HOMER2: variants seen among roughly 807,000 people sequenced by gnomAD.
HOMER2 encodes homer scaffold protein 2, also known as homer protein homolog 2.
Under a neutral mutation model 47.0 loss-of-function variants are expected in HOMER2, and 27 were observed. The observed-to-expected ratio is 0.57, with a 90% CI of 0.42 to 0.79. The LOEUF (loss-of-function observed/expected upper bound fraction) is 0.79. HOMER2 is among the 30% of genes least tolerant of loss of function. The pLI is 0.00. For synonymous variants in HOMER2, 161 were observed against 163.8 expected, an observed-to-expected ratio of 0.98 and a Z score of 0.13; for missense variants, 443 against 435.0, an observed-to-expected ratio of 1.02 and a Z score of -0.16.
intron 1 of HOMER2, among the ~76,000 whole-genome samples, chr15:82,980,101 C>T (rs1156792339): frequency 6.6e-6 from 1 of 151,944 alleles, no homozygotes; most frequent in African/African-American, 2.4e-5. Flanking sequence ...TATATGTATG[C>T]ATGTTTATAT....
exon 2 of HOMER2, chr15:82,840,758 A>C (rs1567004461): frequency 6.6e-6 from 1 of 152,056 alleles, no homozygotes; most frequent in Non-Finnish European, 1.5e-5. Context: ...ATTGCCAAAA[A>C]CTTACAGAAT....
chr15:82,918,771 C>T (rs977328347), intron 1 of HOMER2, among the ~76,000 whole-genome samples: 17 of 152,160 alleles, frequency 1.1e-4, no homozygotes, highest in Admixed American at 5.2e-4. Context: ...ACATCTCCCT[C>T]GCTGTCCTCT....
intron 1 of HOMER2, among the ~76,000 whole-genome samples, chr15:82,932,913 C>G (rs932858258): frequency 2.0e-5 from 3 of 152,098 alleles, no homozygotes; most frequent in African/African-American, 4.8e-5. Context: ...CAAAGCTGGG[C>G]TCCCTCCCAC....
intron 1 of HOMER2, among the ~76,000 whole-genome samples, chr15:82,910,022 A>G (rs141496434): frequency 6.7e-4 from 101 of 150,888 alleles, no homozygotes; most frequent in Admixed American, 1.5e-3. Context: ...AATCTCAGCT[A>G]CTCAGGAGGC....
At position 82,854,739 on chromosome 15, in the gene HOMER2, G is replaced by A; in HGVS notation, c.556C>T (p.Leu186=). 6.2e-7 allele frequency: 1 copy of A among 1,612,422 alleles called. No individual in the cohort carries two copies. The highest frequency in any genetic ancestry group is 8.5e-7 in the Non-Finnish European group (1 of 1,179,850). The part of the protein sequence containing the change: ...LQTLRESNAR[L]TTALQESAAS... ...GCCGACTCCTGCAGTGCTGTGGTCA[G>A]CCGTGCATTGCTCTCCCGAAGGGTC... Residue 186 remains leucine, a synonymous_variant, in exon 6 of 9, where the codon CTG becomes TTG. Coordinates refer to ENST00000450735, the MANE Select transcript of HOMER2 (RefSeq NM_004839.4).
At chr15:82,938,620 C>T (rs1206098466) in intron 1 of HOMER2, among the ~76,000 whole-genome samples, 1 of 152,212 alleles carries the variant, frequency 6.6e-6, no homozygotes, top group Non-Finnish European at 1.5e-5. Context: ...CATCAATGGT[C>T]CTTCTACCCT....
chr15:82,941,887 T>A (rs1344976993), intron 1 of HOMER2, among the ~76,000 whole-genome samples: 2 of 152,202 alleles, frequency 1.3e-5, no homozygotes, highest in Non-Finnish European at 2.9e-5. Context: ...ACTATTATTA[T>A]TCTCATTTCA....
At chr15:82,960,356 G>A (rs2054620107) in intron 1 of HOMER2, among the ~76,000 whole-genome samples, 2 of 152,154 alleles carry the variant, frequency 1.3e-5, no homozygotes, top group South Asian at 4.1e-4. Flanking sequence ...AGACTTGGGA[G>A]CCATCAGCAA....
chr15:82,943,958 G>A (rs1023548379), intron 1 of HOMER2, among the ~76,000 whole-genome samples: 1 of 152,148 alleles, frequency 6.6e-6, no homozygotes, highest in African/African-American at 2.4e-5. Context: ...CTCATCCTAA[G>A]CTTGTCTGCA....
chr15:82,941,301 G>A (rs565870143), intron 1 of HOMER2, among the ~76,000 whole-genome samples: 118 of 151,800 alleles, frequency 7.8e-4, no homozygotes, highest in African/African-American at 2.6e-3. Flanking sequence ...AAAATTAGCC[G>A]GTTGTGGTGG....
At position 82,913,368 on chromosome 15, in the gene HOMER2, C is replaced by T. The variant is rs924342739; in HGVS notation, c.6-20527G>A. 6.6e-6 allele frequency among the ~76,000 whole-genome samples: 1 copy of T among 152,112 alleles called. No homozygotes were observed. The highest frequency in any genetic ancestry group is 2.1e-4 in the South Asian group (1 of 4,814). The stretch of plus-strand genomic sequence containing the variant: ...ATGTAGTCTGATCATCTTGAAGAAG[C>T]CTGAGCTACACGGAGAGGGTAGCTC... On this transcript the variant is annotated intron_variant, in intron 1 of 8. Coordinates refer to ENST00000450735, the MANE Select transcript of HOMER2 (RefSeq NM_004839.4). The surrounding 1 kb of genome is among the most constrained non-coding windows in gnomAD (Gnocchi z 4.1).
downstream of HOMER2, chr15:82,846,279 G>A (rs981008418): frequency 6.6e-6 from 1 of 152,182 alleles, no homozygotes; most frequent in Non-Finnish European, 1.5e-5. Context: ...GTTTTCCATA[G>A]AACTGGCCTC....
At chr15:82,864,576 C>T (rs942829492) in intron 3 of HOMER2, among the ~76,000 whole-genome samples, 1 of 151,970 alleles carries the variant, frequency 6.6e-6, no homozygotes, top group Non-Finnish European at 1.5e-5. Context: ...TAATCCATAC[C>T]GAAAAGATCC....
upstream of HOMER2, among the ~76,000 whole-genome samples, chr15:82,953,655 C>T (rs2054551754): frequency 6.6e-6 from 1 of 152,144 alleles, no homozygotes; most frequent in African/African-American, 2.4e-5. Flanking sequence ...GGGCGAATCA[C>T]GAGGTCTGGA....
At chr15:82,966,554 G>A (rs1343601043) in intron 1 of HOMER2, among the ~76,000 whole-genome samples, 3 of 152,138 alleles carry the variant, frequency 2.0e-5, no homozygotes, top group African/African-American at 4.8e-5. Flanking sequence ...ATTTTACTAG[G>A]AGCCTCCAGC....
intron 1 of HOMER2, among the ~76,000 whole-genome samples, chr15:82,901,539 A>C (rs1168364002): frequency 6.6e-6 from 1 of 152,158 alleles, no homozygotes; most frequent in East Asian, 1.9e-4. Context: ...GAGCCCAGCA[A>C]ATCTGCTAGG....
At chr15:82,968,724 T>C (rs2054698971) in intron 1 of HOMER2, among the ~76,000 whole-genome samples, 1 of 152,266 alleles carries the variant, frequency 6.6e-6, no homozygotes, top group Admixed American at 6.5e-5. Flanking sequence ...CACTGTTAAG[T>C]GCTTTGGGGC....
At position 82,913,676 on chromosome 15, in the gene HOMER2, A is replaced by G. The variant is rs1189470687; in HGVS notation, c.6-20835T>C. On this transcript the variant is annotated intron_variant, in intron 1 of 8. Transcript: ENST00000450735. The surrounding 1 kb of genome is among the most constrained non-coding windows in gnomAD (Gnocchi z 4.1). ...AGTCAAGCTTTGCATGCCTTAGGAA[A>G]TGTTCTTGCTGCAGTCCCTCCATCC... is the stretch of plus-strand genomic sequence containing the variant. Among the ~76,000 whole-genome samples, 1 of 152,146 alleles carries G rather than the reference A, an allele frequency of 6.6e-6. No homozygotes were observed. Among genetic ancestry groups the G allele is most frequent in the Non-Finnish European group, 1.5e-5 (1 of 68,020 alleles).
At chr15:82,943,946 G>A (rs569268178) in intron 1 of HOMER2, among the ~76,000 whole-genome samples, 1 of 152,268 alleles carries the variant, frequency 6.6e-6, no homozygotes, top group East Asian at 1.9e-4. Context: ...TAGTGGCAAA[G>A]CCTCATCCTA....
Sources: allele counts gnomAD v4.1 joint callset (sites outside exome capture counted in the v4.1 genomes callset), GRCh38; gene constraint gnomAD v4.1.1; non-coding constraint Gnocchi (gnomAD v3.1); transcripts MANE v1.5; gene names NCBI Gene and HGNC (gene_info 2026-07-23, HGNC 2026-07-21).